DLG2: variants seen among roughly 807,000 people sequenced by gnomAD.
DLG2 encodes the protein discs large MAGUK scaffold protein 2.
DLG2 carries 45 observed loss-of-function variants against 132.5 expected under a neutral mutation model. The ratio of observed to expected loss-of-function variants is 0.34; its 90% CI spans 0.27 to 0.44. The LOEUF (loss-of-function observed/expected upper bound fraction) is 0.44, where lower values mean the gene tolerates loss of function less well. Among genes scored for constraint, DLG2 ranks in the 20% least tolerant of loss-of-function variants. The pLI, the probability that DLG2 is intolerant of heterozygous loss-of-function variation, is 1.00. For synonymous variants in DLG2, 424 were observed against 419.6 expected, an observed-to-expected ratio of 1.01 and a Z score of -0.13; for missense variants, 1,045 against 1,196.9, an observed-to-expected ratio of 0.87 and a Z score of 1.87.
chr11:84,042,881 G>A (rs2154109055), intron 11 of DLG2, among the ~76,000 whole-genome samples: 1 of 151,948 alleles, frequency 6.6e-6, no homozygotes, highest in South Asian at 2.1e-4. Flanking sequence ...GGGGCCTGTA[G>A]GGGGTGAGGT....
intron 10 of DLG2, among the ~76,000 whole-genome samples, chr11:84,095,307 A>C (rs1270804128): frequency 6.6e-6 from 1 of 152,190 alleles, no homozygotes; most frequent in Non-Finnish European, 1.5e-5. Flanking sequence ...GAGTTCGGTT[A>C]TCTCACCTCA....
intron 10 of DLG2, among the ~76,000 whole-genome samples, chr11:84,085,635 C>T (rs6592163): frequency 0.87 from 132,336 of 152,212 alleles, 57,817 homozygotes; most frequent in Middle Eastern, 0.95. Context: ...CCTATGTCTC[C>T]TGCCTTCACT....
chr11:85,066,187 T>A (rs1241887904), intron 6 of DLG2, among the ~76,000 whole-genome samples: 1 of 151,452 alleles, frequency 6.6e-6, no homozygotes, highest in African/African-American at 2.4e-5. Context: ...GAACAAATAC[T>A]AGTAAAGCCA....
At chr11:85,024,414 A>G (rs1429719941) in intron 6 of DLG2, among the ~76,000 whole-genome samples, 1 of 152,170 alleles carries the variant, frequency 6.6e-6, no homozygotes, top group Non-Finnish European at 1.5e-5. Flanking sequence ...CTAGAGTAAC[A>G]ATTAAAACAC....
chr11:84,509,976 C>G (rs2099252609), intron 7 of DLG2, among the ~76,000 whole-genome samples: 1 of 151,052 alleles, frequency 6.6e-6, no homozygotes, highest in South Asian at 2.1e-4. Context: ...AGAAGCACAC[C>G]AAATTCAAAG....
intron 15 of DLG2, among the ~76,000 whole-genome samples, chr11:83,930,048 A>G (rs2079848335): frequency 6.6e-6 from 1 of 152,222 alleles, no homozygotes; most frequent in African/African-American, 2.4e-5. Flanking sequence ...TCTTCTGGAA[A>G]AATATAATGA....
chr11:85,133,376 G>A (rs903011382), intron 5 of DLG2, among the ~76,000 whole-genome samples: 1 of 152,008 alleles, frequency 6.6e-6, no homozygotes, highest in African/African-American at 2.4e-5. Context: ...CATGATTGCC[G>A]GGAGTCTAAA....
chr11:85,033,243 G>A (rs1259031299), intron 6 of DLG2, among the ~76,000 whole-genome samples: 1 of 152,068 alleles, frequency 6.6e-6, no homozygotes, highest in South Asian at 2.1e-4. Context: ...AGGAAGGCAA[G>A]CATTCCATTA....
At chr11:83,923,355 T>C (rs1462336575) in intron 15 of DLG2, among the ~76,000 whole-genome samples, 1 of 152,160 alleles carries the variant, frequency 6.6e-6, no homozygotes, top group African/African-American at 2.4e-5. Flanking sequence ...CTTCTCACTT[T>C]CTAATGAGGG....
chr11:84,383,750 G>A (rs560946528), intron 7 of DLG2, among the ~76,000 whole-genome samples: 1 of 152,066 alleles, frequency 6.6e-6, no homozygotes, highest in African/African-American at 2.4e-5. Context: ...ATCTGTCCTT[G>A]GCTTAGCCTC....
chr11:84,198,364 T>G (rs74485771), intron 8 of DLG2, among the ~76,000 whole-genome samples: 3,647 of 152,246 alleles, frequency 0.024, 63 homozygotes, highest in Non-Finnish European at 0.036. Context: ...TTGTTTCTTA[T>G]AGTAATTCTC....
At chr11:85,298,608 T>C (rs1446667414) in intron 3 of DLG2, among the ~76,000 whole-genome samples, 1 of 152,186 alleles carries the variant, frequency 6.6e-6, no homozygotes. Context: ...GATTCTGAAC[T>C]AAATTCTTTG....
chr11:84,920,323 C>T (rs572081380), intron 6 of DLG2, among the ~76,000 whole-genome samples: 4 of 152,294 alleles, frequency 2.6e-5, no homozygotes, highest in Admixed American at 6.5e-5. Flanking sequence ...TCCCTTTACC[C>T]AGCATGCCTT....
At chr11:83,900,737 A>T (rs984875686) in intron 15 of DLG2, among the ~76,000 whole-genome samples, 1 of 152,196 alleles carries the variant, frequency 6.6e-6, no homozygotes, top group East Asian at 1.9e-4. Context: ...AACCTCTGTT[A>T]GGGTAGTGTG....
chr11:84,349,993 C>T (rs1443496141), intron 7 of DLG2, among the ~76,000 whole-genome samples: 3 of 151,884 alleles, frequency 2.0e-5, no homozygotes, highest in Non-Finnish European at 1.5e-5. Context: ...CTAGCTAACA[C>T]GGTGAAACCC....
chr11:84,488,389 C>T (rs951045291), intron 7 of DLG2, among the ~76,000 whole-genome samples: 3 of 152,082 alleles, frequency 2.0e-5, no homozygotes, highest in Non-Finnish European at 2.9e-5. Flanking sequence ...TTGGGGAAGG[C>T]CTTAGTTGAT....
At chr11:85,582,794 A>C (rs573538271) in intron 3 of DLG2, among the ~76,000 whole-genome samples, 2 of 149,364 alleles carry the variant, frequency 1.3e-5, no homozygotes, top group African/African-American at 2.4e-5. Flanking sequence ...GCTTTGCTGA[A>C]AGCATTTAAT....
At chr11:85,464,697 G>GC in intron 3 of DLG2, among the ~76,000 whole-genome samples, 1 of 151,966 alleles carries the variant, frequency 6.6e-6, no homozygotes, top group East Asian at 1.9e-4. Flanking sequence ...CAGAATTCAG[G>GC]CCCTTATCAT....
At chr11:85,194,317 A>G (rs926884627) in intron 4 of DLG2, among the ~76,000 whole-genome samples, 2 of 152,112 alleles carry the variant, frequency 1.3e-5, no homozygotes, top group Non-Finnish European at 1.5e-5. Flanking sequence ...TGGGGGAAAG[A>G]GTATGGAAAA....
Sources: gnomAD v4.1 joint callset for allele counts (sites outside exome capture counted in the v4.1 genomes callset) on GRCh38, gnomAD v4.1.1 for gene constraint, MANE v1.5 for transcripts, NCBI Gene and HGNC (gene_info 2026-07-23, HGNC 2026-07-21) for gene names.